GPHN: variants seen among roughly 807,000 people sequenced by gnomAD.
GPHN encodes gephyrin.
Under a neutral mutation model 95.5 loss-of-function variants are expected in GPHN, and 17 were observed. The observed-to-expected ratio is 0.18, with a 90% CI of 0.12 to 0.27. The LOEUF (loss-of-function observed/expected upper bound fraction) is 0.27, where lower values mean the gene tolerates loss of function less well. Ranked by LOEUF, GPHN falls within the 10% of genes least tolerant of loss-of-function variation. The pLI, the probability that GPHN is intolerant of heterozygous loss-of-function variation, is 1.00. For missense variants in GPHN, 660 were observed against 978.1 expected (o/e 0.67, Z 4.34); for synonymous variants, 320 against 322.5 (o/e 0.99, Z 0.08).
chr14:66,532,493 C>T (rs1427596253), intron 1 of GPHN, among the ~76,000 whole-genome samples: 1 of 152,174 alleles, frequency 6.6e-6, no homozygotes, highest in East Asian at 1.9e-4. Flanking sequence ...GTCAAATAGT[C>T]ACAGGCTCAG....
At chr14:67,263,627 G>C in the GPHN span, among the ~76,000 whole-genome samples, 1 of 152,120 alleles carries the variant, frequency 6.6e-6, no homozygotes, top group Non-Finnish European at 1.5e-5. Context: ...ATACAGACTT[G>C]GTGTGTGTTT....
At chr14:67,029,556 T>G (rs2074087923) in intron 10 of GPHN, among the ~76,000 whole-genome samples, 1 of 152,078 alleles carries the variant, frequency 6.6e-6, no homozygotes, top group Non-Finnish European at 1.5e-5. Context: ...AGGCTGGTCT[T>G]GAACTCCTGA....
intron 1 of GPHN, among the ~76,000 whole-genome samples, chr14:66,663,405 A>G (rs1009812707): frequency 2.6e-5 from 4 of 152,210 alleles, no homozygotes; most frequent in Non-Finnish European, 4.4e-5. Flanking sequence ...GAAATAAGAT[A>G]CTTTCCAGAC....
chr14:67,509,608 C>T, the GPHN span, among the ~76,000 whole-genome samples: 59,982 of 151,902 alleles, frequency 0.39, 13,391 homozygotes, highest in South Asian at 0.54. Flanking sequence ...CATGAGCCAC[C>T]GCACCTGGTC....
At chr14:66,846,368 T>C (rs2153512994) in intron 4 of GPHN, among the ~76,000 whole-genome samples, 1 of 152,202 alleles carries the variant, frequency 6.6e-6, no homozygotes, top group East Asian at 1.9e-4. Context: ...ATCTGTAGTC[T>C]GCTAGGAATA....
the GPHN span, chr14:67,295,102 GAA>G: frequency 7.7e-6 from 1 of 129,446 alleles, no homozygotes; most frequent in African/African-American, 3.7e-5. Flanking sequence ...TTGAGATATT[GAA>G]GTGTGTGTGT....
At chr14:67,185,157 A>C (rs1406962106), downstream of GPHN, among the ~76,000 whole-genome samples, 3 of 152,358 alleles carry the variant, frequency 2.0e-5, no homozygotes, top group South Asian at 6.2e-4. Flanking sequence ...AAGACACAAA[A>C]TAGTAGCATG....
At chr14:67,104,195 C>A (rs2077904296) in intron 13 of GPHN, among the ~76,000 whole-genome samples, 2 of 152,174 alleles carry the variant, frequency 1.3e-5, no homozygotes, top group Non-Finnish European at 1.5e-5. Flanking sequence ...GTTGAGCCAC[C>A]CTTGCATCCC....
At chr14:66,802,346 A>G (rs552910424) in intron 3 of GPHN, among the ~76,000 whole-genome samples, 1 of 151,856 alleles carries the variant, frequency 6.6e-6, no homozygotes, top group East Asian at 1.9e-4. Flanking sequence ...CTGGTCTTGA[A>G]CTCACCCTTC....
chr14:67,454,875 T>C, the GPHN span, among the ~76,000 whole-genome samples: 3 of 151,864 alleles, frequency 2.0e-5, no homozygotes, highest in Non-Finnish European at 4.4e-5. Context: ...TTTCTCCTTT[T>C]TTTTTTTTTC....
chr14:67,128,303 CTGGGGTGCAG>C (rs1027187552), intron 17 of GPHN, among the ~76,000 whole-genome samples: 1 of 151,452 alleles, frequency 6.6e-6, no homozygotes, highest in African/African-American at 2.4e-5. Flanking sequence ...GTCGCCCAGG[CTGGGGTGCAG>C]TGGCGTGATC....
chr14:67,061,175 G>A (rs1213267803), intron 11 of GPHN, among the ~76,000 whole-genome samples: 1 of 151,962 alleles, frequency 6.6e-6, no homozygotes, highest in African/African-American at 2.4e-5. Flanking sequence ...CTGAGTACCT[G>A]GGATTACAGG....
intron 12 of GPHN, among the ~76,000 whole-genome samples, chr14:67,098,746 C>T (rs984183643): frequency 2.7e-5 from 4 of 150,820 alleles, no homozygotes; most frequent in Non-Finnish European, 5.9e-5. Context: ...GGCTTGAACG[C>T]GGGAGGCAGA....
At chr14:67,340,581 G>A in the GPHN span, 2 of 1,326,398 alleles carry the variant, frequency 1.5e-6, no homozygotes, top group Non-Finnish European at 2.2e-6. Context: ...AATTATCAGT[G>A]CTCATTTGTA....
At chr14:67,074,635 G>A (rs2076427321) in intron 11 of GPHN, among the ~76,000 whole-genome samples, 1 of 152,156 alleles carries the variant, frequency 6.6e-6, no homozygotes, top group Non-Finnish European at 1.5e-5. Context: ...ATTAAGCTTA[G>A]TGAGGAAGGC....
the GPHN span, among the ~76,000 whole-genome samples, chr14:67,430,475 T>G: frequency 3.9e-4 from 59 of 152,318 alleles, no homozygotes; most frequent in African/African-American, 1.4e-3. Flanking sequence ...AGAAAGAGCC[T>G]TCCCACGTGG....
chr14:66,818,772 T>G (rs2061080603), intron 3 of GPHN, among the ~76,000 whole-genome samples: 2 of 152,138 alleles, frequency 1.3e-5, no homozygotes, highest in Non-Finnish European at 2.9e-5. Flanking sequence ...CTGTTATTAT[T>G]TGACTTTTTA....
intron 10 of GPHN, among the ~76,000 whole-genome samples, chr14:67,046,559 A>T (rs1206325743): frequency 6.6e-6 from 1 of 152,226 alleles, no homozygotes; most frequent in Non-Finnish European, 1.5e-5. Context: ...ATAAATTATG[A>T]AGCTAACATT....
Position 66,508,440 on chromosome 14 carries a change from C to G in GPHN, c.-88C>G. ...CTTCTCTGGCTCCCTAGCTGTCGCG[C>G]TCTCCTCGGCGAGCGCGCTCCCGGC... On this transcript the variant is annotated 5_prime_UTR_variant, in exon 1 of 23. Coordinates refer to ENST00000478722, the MANE Select transcript of GPHN (RefSeq NM_020806.5). 2.5e-6 allele frequency: 3 copies of G among 1,186,264 alleles called. No homozygotes were observed. The highest frequency in any genetic ancestry group is 3.4e-5 in the Admixed American group (2 of 59,430). The allele number at this position is 1,186,264 out of a possible 1,614,324, so 73.5% of individuals were successfully genotyped here.
Sources: gnomAD v4.1 joint callset for allele counts (sites outside exome capture counted in the v4.1 genomes callset) on GRCh38, gnomAD v4.1.1 for gene constraint, MANE v1.5 for transcripts, NCBI Gene and HGNC (gene_info 2026-07-23, HGNC 2026-07-21) for gene names.